The following PSD3 variants were observed in gnomAD, a reference collection of about 807,000 sequenced individuals.
PSD3 encodes pleckstrin and Sec7 domain containing 3.
Under a neutral mutation model 105.5 loss-of-function variants are expected in PSD3, and 49 were observed. The observed-to-expected ratio is 0.46, with a 90% CI of 0.37 to 0.59. PSD3 has a LOEUF of 0.59. PSD3 is among the 20% of genes least tolerant of loss of function. The probability of loss-of-function intolerance (pLI) is 0.00; values close to 1 mark genes in which losing one functional copy is unlikely to be tolerated. For missense variants in PSD3, 1,561 were observed against 1,263.8 expected (o/e 1.24, Z -3.57); for synonymous variants, 557 against 457.8 (o/e 1.22, Z -2.77).
At chr8:18,672,867 G>C (rs1284818055) in intron 9 of PSD3, among the ~76,000 whole-genome samples, 1 of 152,000 alleles carries the variant, frequency 6.6e-6, no homozygotes, top group Admixed American at 6.6e-5. Context: ...CCTGGCATTT[G>C]TTAAACCCAA....
intron 1 of PSD3, among the ~76,000 whole-genome samples, chr8:19,035,338 G>A (rs559152643): frequency 1.7e-4 from 26 of 152,064 alleles, no homozygotes; most frequent in East Asian, 3.9e-4. Flanking sequence ...AAATAGTTTC[G>A]TTTAATTAGT....
intron 9 of PSD3, among the ~76,000 whole-genome samples, chr8:18,673,840 C>T (rs1184341234): frequency 6.6e-6 from 1 of 152,034 alleles, no homozygotes; most frequent in African/African-American, 2.4e-5. Context: ...AGAGAAAGAA[C>T]AGAAAATTGT....
At chr8:18,857,517 TAGAA>T (rs1816113855) in intron 4 of PSD3, among the ~76,000 whole-genome samples, 6 of 152,152 alleles carry the variant, frequency 3.9e-5, no homozygotes, top group Admixed American at 3.9e-4. Context: ...CTCTAACAAA[TAGAA>T]TCTCTGACGG....
chr8:18,595,144 T>C (rs1803993742), intron 12 of PSD3, among the ~76,000 whole-genome samples: 1 of 151,972 alleles, frequency 6.6e-6, no homozygotes, highest in South Asian at 2.1e-4. Flanking sequence ...TTTTGGCATA[T>C]GACCTGAAAT....
intron 8 of PSD3, among the ~76,000 whole-genome samples, chr8:18,777,191 C>T (rs542230462): frequency 1.3e-5 from 2 of 151,912 alleles, no homozygotes; most frequent in African/African-American, 2.4e-5. Context: ...TACAGGCATG[C>T]ACCACCACGC....
chr8:18,813,600 G>A (rs977254961), intron 4 of PSD3, among the ~76,000 whole-genome samples: 5 of 152,184 alleles, frequency 3.3e-5, no homozygotes, highest in African/African-American at 1.2e-4. Context: ...AATTCTACCT[G>A]TGAGTGTTCA....
chr8:18,558,820 C>CA (rs1267076327), intron 14 of PSD3, among the ~76,000 whole-genome samples: 6 of 151,472 alleles, frequency 4.0e-5, no homozygotes, highest in Non-Finnish European at 7.4e-5. Flanking sequence ...GACTCCATCT[C>CA]AAAAAAACAA....
At chr8:18,868,770 T>C (rs753143511) in intron 3 of PSD3, among the ~76,000 whole-genome samples, 17 of 152,132 alleles carry the variant, frequency 1.1e-4, no homozygotes, top group Non-Finnish European at 1.9e-4. Context: ...TCTACAAATA[T>C]TAAAAACGAA....
intron 1 of PSD3, among the ~76,000 whole-genome samples, chr8:19,033,326 G>A (rs1363606990): frequency 2.6e-5 from 4 of 151,976 alleles, no homozygotes. Context: ...CGCCTCTACT[G>A]TTATAGTTCC....
At chr8:18,996,225 G>A (rs1826073365) in intron 1 of PSD3, among the ~76,000 whole-genome samples, 1 of 151,902 alleles carries the variant, frequency 6.6e-6, no homozygotes, top group Non-Finnish European at 1.5e-5. Flanking sequence ...TAAATTCTTG[G>A]AAAATGTGAT....
intron 15 of PSD3, among the ~76,000 whole-genome samples, chr8:18,547,935 C>G (rs1401143527): frequency 4.6e-5 from 7 of 152,132 alleles, no homozygotes; most frequent in Admixed American, 4.6e-4. Context: ...TATGATGCAG[C>G]AATTGGCTCT....
chr8:18,780,113 C>T lies in PSD3; in HGVS notation c.2083-14575G>A, dbSNP rs140535477. On this transcript the variant is annotated intron_variant, in intron 8 of 15. Coordinates refer to ENST00000327040, the MANE Select transcript of PSD3 (RefSeq NM_015310.4). ...TATATCTGCATGCTCCAGTGTTGGG[C>T]GCACAAATATTTAGAATTGTTTAAT... is the stretch of plus-strand genomic sequence containing the variant. Among the ~76,000 whole-genome samples, 17 of 152,232 alleles carry T rather than the reference C, an allele frequency of 1.1e-4. No individual in the cohort carries two copies. In the East Asian group the frequency reaches 1.4e-3, roughly 12 times the overall value.
At chr8:18,717,222 GTTTAT>G (rs1276272649) in intron 9 of PSD3, among the ~76,000 whole-genome samples, 9 of 151,768 alleles carry the variant, frequency 5.9e-5, no homozygotes, top group African/African-American at 9.7e-5. Flanking sequence ...ACCAAATTAC[GTTTAT>G]TTTAATTTTT....
intron 3 of PSD3, among the ~76,000 whole-genome samples, chr8:18,870,454 A>G (rs1817248111): frequency 6.6e-6 from 1 of 152,146 alleles, no homozygotes; most frequent in African/African-American, 2.4e-5. Flanking sequence ...TAAAGGCCAT[A>G]AATCTCATAA....
chr8:18,829,672 T>C (rs1178382667), intron 4 of PSD3, among the ~76,000 whole-genome samples: 1 of 152,162 alleles, frequency 6.6e-6, no homozygotes, highest in East Asian at 1.9e-4. Flanking sequence ...CAGATGTCTC[T>C]ATGAAGCCTG....
Position 18,929,227 on chromosome 8 carries a change from A to G in PSD3, c.130+6807T>C, listed in dbSNP as rs1311718406. Among the ~76,000 whole-genome samples the G allele has an allele frequency of 7.4e-5, 11 of 149,600 alleles. 1 individual carries two copies. The highest frequency in any genetic ancestry group is 2.1e-4 in the Admixed American group (3 of 14,630). On this transcript the variant is annotated intron_variant, in intron 2 of 15. Coordinates refer to ENST00000327040, the MANE Select transcript of PSD3 (RefSeq NM_015310.4). ...ATGAAAATGGCAACAACCAATTTCA[A>G]AAGAAAATAAATTCACAACAGTGCT...
chr8:18,956,803 T>C (rs945950620), intron 1 of PSD3, among the ~76,000 whole-genome samples: 3 of 152,130 alleles, frequency 2.0e-5, no homozygotes, highest in Non-Finnish European at 4.4e-5. Context: ...AAAGGATCCA[T>C]GGTTTGGCTT....
chr8:19,022,056 G>A (rs151098862), intron 1 of PSD3, among the ~76,000 whole-genome samples: 193 of 152,326 alleles, frequency 1.3e-3, no homozygotes, highest in African/African-American at 3.9e-3. Flanking sequence ...AGAAGGTGAA[G>A]CAGGGACAGG....
At chr8:18,558,141 T>C (rs1362348305) in intron 14 of PSD3, among the ~76,000 whole-genome samples, 1 of 152,174 alleles carries the variant, frequency 6.6e-6, no homozygotes, top group Non-Finnish European at 1.5e-5. Context: ...AAAATAGATG[T>C]CTGCTATGGA....
Sources: allele counts gnomAD v4.1 joint callset (sites outside exome capture counted in the v4.1 genomes callset), GRCh38; gene constraint gnomAD v4.1.1; transcripts MANE v1.5; gene names NCBI Gene and HGNC (gene_info 2026-07-23, HGNC 2026-07-21).